The following DLGAP2 variants were observed in gnomAD, a reference collection of about 807,000 sequenced individuals.
DLGAP2 encodes the protein disks large-associated protein 2.
A neutral mutation model predicts 100.3 loss-of-function variants in DLGAP2; 26 were observed. The observed-to-expected ratio is 0.26, with a 90% CI of 0.19 to 0.36. The LOEUF (loss-of-function observed/expected upper bound fraction) is 0.36. Ranked by LOEUF, DLGAP2 falls within the 10% of genes least tolerant of loss-of-function variation. The probability of loss-of-function intolerance (pLI) is 1.00; values close to 1 mark genes in which losing one functional copy is unlikely to be tolerated. For missense variants in DLGAP2, 1,858 were observed against 1,453.2 expected (o/e 1.28, Z -4.53); for synonymous variants, 886 against 630.1 (o/e 1.41, Z -6.08).
intron 8 of DLGAP2, among the ~76,000 whole-genome samples, chr8:1,667,069 G>T (rs1227175947): frequency 6.6e-6 from 1 of 152,236 alleles, no homozygotes; most frequent in Non-Finnish European, 1.5e-5. Flanking sequence ...CTGTGTGTGT[G>T]TGGCAGGGGT....
At chr8:1,418,849 T>C (rs1301614847) in intron 3 of DLGAP2, among the ~76,000 whole-genome samples, 1 of 152,210 alleles carries the variant, frequency 6.6e-6, no homozygotes, top group Non-Finnish European at 1.5e-5. Context: ...CAATCCCAAG[T>C]CTGGCTTCTG....
At chr8:1,249,696 G>C (rs1396748251) in intron 2 of DLGAP2, among the ~76,000 whole-genome samples, 2 of 152,110 alleles carry the variant, frequency 1.3e-5, no homozygotes, top group South Asian at 2.1e-4. Context: ...CTGGAGTCAT[G>C]AGCAGCATTG....
intron 6 of DLGAP2, among the ~76,000 whole-genome samples, chr8:1,579,168 A>C (rs6558482): frequency 0.58 from 88,591 of 152,000 alleles, 26,984 homozygotes; most frequent in African/African-American, 0.78. Context: ...AGCTCTAATA[A>C]TTTTGAATGT....
At chr8:1,545,146 A>G (rs1164672507) in intron 4 of DLGAP2, among the ~76,000 whole-genome samples, 2 of 152,194 alleles carry the variant, frequency 1.3e-5, no homozygotes, top group Non-Finnish European at 2.9e-5. Flanking sequence ...GAATTACCAT[A>G]GAATGGGCTT....
intron 3 of DLGAP2, among the ~76,000 whole-genome samples, chr8:1,437,281 C>G (rs1261958860): frequency 6.6e-6 from 1 of 152,240 alleles, no homozygotes; most frequent in Non-Finnish European, 1.5e-5. Context: ...TCCGTTCAGC[C>G]CAGGCATGCA....
intron 5 of DLGAP2, among the ~76,000 whole-genome samples, chr8:1,560,076 A>C (rs1802109007): frequency 6.6e-6 from 1 of 152,228 alleles, no homozygotes; most frequent in Non-Finnish European, 1.5e-5. Context: ...CTTAAATTAA[A>C]AATAAGGGTG....
chr8:1,697,316 A>G lies in DLGAP2; in HGVS notation c.2949+17A>G, dbSNP rs1472606628. ...GAAAGAAAGGTAAGGGCATCCATGC[A>G]GGGCCGGCTCCCAGCAAACCCCCTT... On this transcript the variant is annotated intron_variant, in intron 14 of 14. Coordinates refer to ENST00000637795, the MANE Select transcript of DLGAP2 (RefSeq NM_001346810.2). 4 of 1,580,280 alleles carry G rather than the reference A, an allele frequency of 2.5e-6. No individual in the cohort carries two copies. Among genetic ancestry groups the G allele is most frequent in the Admixed American group, 1.8e-5 (1 of 56,982 alleles).
chr8:1,668,810 G>C, intron 9 of DLGAP2, 132 bp downstream of exon 9: 1 of 895,354 alleles, frequency 1.1e-6, no homozygotes, highest in Middle Eastern at 3.5e-4. Context: ...TGTGGAATCT[G>C]AGAGCAGGGC....
rs533499625 is a variant in DLGAP2 at position 888,032 on chromosome 8, C to CT, written c.19-19875dup. Among the ~76,000 whole-genome samples the CT allele has an allele frequency of 2.9e-4, 44 of 152,260 alleles. 1 individual carries two copies. The highest frequency in any genetic ancestry group is 1.0e-3 in the African/African-American group (42 of 41,554). ...TACTCCAATCAATCGTAGGTTTAAT[C>CT]TTTTTATGAAGTCCCACATTTCTTG... On this transcript the variant is annotated intron_variant, in intron 1 of 14. Transcript: ENST00000637795.
At chr8:1,644,370 C>G (rs1229911939) in intron 8 of DLGAP2, among the ~76,000 whole-genome samples, 1 of 152,230 alleles carries the variant, frequency 6.6e-6, no homozygotes, top group Non-Finnish European at 1.5e-5. Flanking sequence ...CCCCACCAGA[C>G]GGCCCAGCTG....
At chr8:986,257 T>C (rs1379140281) in intron 2 of DLGAP2, among the ~76,000 whole-genome samples, 1 of 152,208 alleles carries the variant, frequency 6.6e-6, no homozygotes, top group East Asian at 1.9e-4. Flanking sequence ...TGTCAGCCTG[T>C]TGAGCTGCAT....
intron 2 of DLGAP2, among the ~76,000 whole-genome samples, chr8:1,093,644 C>T (rs919247607): frequency 1.1e-4 from 16 of 152,132 alleles, no homozygotes; most frequent in African/African-American, 3.9e-4. Context: ...AACACTTTCA[C>T]ACTAATAGCC....
chr8:1,288,033 A>AGTGT (rs1243709084), intron 3 of DLGAP2, among the ~76,000 whole-genome samples: 1 of 99,188 alleles, frequency 1.0e-5, no homozygotes, highest in Non-Finnish European at 1.9e-5. Flanking sequence ...GTTTCGGTTG[A>AGTGT]GTGTGTGTGT....
intron 5 of DLGAP2, among the ~76,000 whole-genome samples, chr8:1,557,872 C>T (rs1054256523): frequency 3.9e-5 from 6 of 152,218 alleles, no homozygotes; most frequent in African/African-American, 4.8e-5. Context: ...CCTCTGTAAA[C>T]GTCCCATCTC....
intron 2 of DLGAP2, among the ~76,000 whole-genome samples, chr8:943,726 C>T (rs571624449): frequency 1.3e-5 from 2 of 152,096 alleles, no homozygotes; most frequent in Non-Finnish European, 2.9e-5. Flanking sequence ...TGTGGCCATC[C>T]CGCCACAAGC....
At position 1,706,732 on chromosome 8, in the gene DLGAP2, A is replaced by C. The variant is rs1455766930; in HGVS notation, c.*5326A>C. ...AAACATTAAAATGATGAAGGAAAAA[A>C]AATTATTTGGAAGCCGAAAACCGCA... On this transcript the variant is annotated 3_prime_UTR_variant, in exon 15 of 15. Transcript: ENST00000637795. 6.6e-6 allele frequency: 1 copy of C among 152,184 alleles called. No individual in the cohort carries two copies. Among genetic ancestry groups the C allele is most frequent in the Non-Finnish European group, 1.5e-5 (1 of 68,038 alleles). 9.4% of individuals were successfully genotyped at this position (152,184 alleles called of 1,614,324 possible).
chr8:845,972 C>A (rs752886179), intron 1 of DLGAP2, among the ~76,000 whole-genome samples: 1 of 152,266 alleles, frequency 6.6e-6, no homozygotes, highest in South Asian at 2.1e-4. Flanking sequence ...TGTCCAGAGA[C>A]GTATGAGTTT....
intron 1 of DLGAP2, among the ~76,000 whole-genome samples, chr8:904,198 C>G (rs1262056247): frequency 6.6e-6 from 1 of 152,200 alleles, no homozygotes; most frequent in Non-Finnish European, 1.5e-5. Context: ...ACCCAGATTT[C>G]AGGTTTTAAC....
intron 1 of DLGAP2, among the ~76,000 whole-genome samples, chr8:845,204 T>C (rs1282091338): frequency 6.6e-6 from 1 of 152,212 alleles, no homozygotes; most frequent in African/African-American, 2.4e-5. Context: ...GTTTGAACAT[T>C]TTCAGGACGT....
Sources: gnomAD v4.1 joint callset for allele counts (sites outside exome capture counted in the v4.1 genomes callset) on GRCh38, gnomAD v4.1.1 for gene constraint, MANE v1.5 for transcripts, NCBI Gene and HGNC (gene_info 2026-07-23, HGNC 2026-07-21) for gene names.